The following RFC5 variants were observed in gnomAD, a reference collection of about 807,000 sequenced individuals.
RFC5 encodes the protein A1 36 kDa subunit.
Under a neutral mutation model 44.3 loss-of-function variants are expected in RFC5, and 26 were observed. The observed-to-expected ratio is 0.59, with a 90% confidence interval of 0.43 to 0.81. RFC5 has a LOEUF of 0.81. Ranked by LOEUF, RFC5 falls within the 40% of genes least tolerant of loss-of-function variation. The pLI, the probability that RFC5 is intolerant of heterozygous loss-of-function variation, is 0.00. For synonymous variants in RFC5, 155 were observed against 155.2 expected (o/e 1.00, Z 0.01); for missense variants, 328 against 418.6 (o/e 0.78, Z 1.89).
rs1037705871 is a variant in RFC5, at chr12:118,025,082, A to T, written c.581+72A>T. ...CTTGTGGGATCACTGGCTGGTTCGTATGTAGAGGAGAGGAATGTTGGAAAA... is the reference window on the plus strand; with the variant it reads ...CTTGTGGGATCACTGGCTGGTTCGTTTGTAGAGGAGAGGAATGTTGGAAAA... On this transcript the variant is annotated intron_variant, in intron 6 of 10. Transcript: ENST00000454402. 5.4e-6 allele frequency: 8 copies of T among 1,468,776 alleles called. No individual in the cohort carries two copies. In the African/African-American group the frequency reaches 1.1e-4, roughly 20 times the overall value. The allele number at this position is 1,468,776 out of a possible 1,614,324, so 91.0% of individuals were successfully genotyped here.
Position 118,020,950 on chromosome 12 carries a change from G to A in RFC5, c.312G>A (p.Pro104=), listed in dbSNP as rs760886198. The A allele has an allele frequency of 1.6e-5, 26 of 1,611,698 alleles. No homozygotes were observed. The highest frequency in any genetic ancestry group is 3.3e-4 in the Middle Eastern group (2 of 6,082). The change falls in exon 4 of 11, where the codon CCG becomes CCA. Residue 104 remains proline (P), a synonymous_variant. Transcript: ENST00000454402. The part of the protein sequence containing the change: ...DDRGIDIIRG[P]ILSFASTRTI... ...GAGGAATAGACATCATTCGAGGACC[G>A]ATCCTGAGCTTTGCTAGCACAAGGA...
In RFC5 at chr12:118,020,949, C is replaced by T. The variant is rs759025948; in HGVS notation, c.311C>T (p.Pro104Leu). ...DDRGIDIIRG[P>L]ILSFASTRTI... ...CGAGGAATAGACATCATTCGAGGAC[C>T]GATCCTGAGCTTTGCTAGCACAAGG... The change falls in exon 4 of 11, where the codon CCG becomes CTG. Residue 104 changes from proline (P) to leucine (L), a missense_variant. Pro to Leu is a moderately conservative substitution (Grantham distance 98, BLOSUM62 -3). Coordinates refer to ENST00000454402, the MANE Select transcript of RFC5 (RefSeq NM_007370.7). 14 of 1,611,414 alleles carry T rather than the reference C, an allele frequency of 8.7e-6. No homozygotes were observed. The highest frequency in any genetic ancestry group is 5.0e-5 in the Admixed American group (3 of 59,964).
At chr12:118,035,423 A>C, downstream of RFC5, 2 of 1,000,278 alleles carry the variant, frequency 2.0e-6, no homozygotes, top group Non-Finnish European at 3.1e-6. Context: ...CTGGCTACAA[A>C]AGGGCTCAAG....
At chr12:118,036,074 C>T (rs192360657), downstream of RFC5, 106 of 261,102 alleles carry the variant, frequency 4.1e-4, no homozygotes, top group African/African-American at 2.2e-3. Flanking sequence ...TGGTGGCGCA[C>T]GCTTGTAGTC....
At chr12:118,024,764 G>A in intron 5 of RFC5, 87 bp from the exon 6 acceptor site, 1 of 1,152,318 alleles carries the variant, frequency 8.7e-7, no homozygotes. Flanking sequence ...CTATACCCTT[G>A]TGACCACAGA....
chr12:118,029,896 C>T, intron 10 of RFC5, 71 bp downstream of exon 10: 1 of 1,185,710 alleles, frequency 8.4e-7, no homozygotes, highest in Non-Finnish European at 1.3e-6. Flanking sequence ...TTTGTTTCAA[C>T]TTTCTTGGTT....
chr12:118,025,951 C>T (rs896487205), intron 7 of RFC5, 123 bp downstream of exon 7: 40 of 621,702 alleles, frequency 6.4e-5, no homozygotes, highest in Non-Finnish European at 1.0e-4. Flanking sequence ...TGGGTTCAAG[C>T]GAATCTCCTG....
At chr12:118,023,411 A>AGGAGGG (rs1187924925) in intron 5 of RFC5, among the ~76,000 whole-genome samples, 8 of 30,370 alleles carry the variant, frequency 2.6e-4, no homozygotes, top group African/African-American at 6.6e-4. Context: ...GAGGAGGAGG[A>AGGAGGG]GGGGGGAGGA....
At chr12:118,032,696 CTATTTATT>C (rs10558297), downstream of RFC5, 365 of 151,804 alleles carry the variant, frequency 2.4e-3, 2 homozygotes, top group African/African-American at 8.4e-3. Context: ...GTTTTTTTGG[CTATTTATT>C]TATTTATTTT....
chr12:118,035,341 CAG>C, downstream of RFC5: 1 of 1,610,760 alleles, frequency 6.2e-7, no homozygotes, highest in Non-Finnish European at 8.5e-7. Context: ...AGGAAAGAAA[CAG>C]GATGGCAGGC....
chr12:118,036,525 A>T, downstream of RFC5: 1 of 1,603,810 alleles, frequency 6.2e-7, no homozygotes, highest in Non-Finnish European at 8.5e-7. Context: ...GGAAAGTAAG[A>T]AGTGCCTGGT....
At chr12:118,021,104 C>A in intron 4 of RFC5, 119 bp downstream of exon 4, 1 of 570,212 alleles carries the variant, frequency 1.8e-6, no homozygotes, top group South Asian at 2.3e-5. Context: ...TGACTTTGTC[C>A]AAAGCAACCA....
chr12:118,026,394 C>G (rs5745866), intron 7 of RFC5, among the ~76,000 whole-genome samples: 17,556 of 152,048 alleles, frequency 0.12, 1,390 homozygotes, highest in African/African-American at 0.22. Flanking sequence ...CCTGAGCCCA[C>G]GAGCTGGAGA....
chr12:118,037,409 G>A (rs1023308295), downstream of RFC5, among the ~76,000 whole-genome samples: 1 of 152,106 alleles, frequency 6.6e-6, no homozygotes, highest in East Asian at 1.9e-4. Flanking sequence ...GCTCACGCCT[G>A]CAATCCCAGC....
downstream of RFC5, chr12:118,034,933 A>G (rs2031471101): frequency 5.2e-6 from 8 of 1,552,410 alleles, no homozygotes; most frequent in South Asian, 4.5e-5. Context: ...AAAAAGCTCC[A>G]TGGTATACTC....
At chr12:118,024,148 T>C (rs959243718) in intron 5 of RFC5, among the ~76,000 whole-genome samples, 3 of 151,994 alleles carry the variant, frequency 2.0e-5, no homozygotes, top group East Asian at 3.9e-4. Flanking sequence ...GAGACCATCC[T>C]GGCTAACATG....
chr12:118,017,887 C>T (rs2030206093), intron 1 of RFC5: 1 of 666,846 alleles, frequency 1.5e-6, no homozygotes, highest in Non-Finnish European at 2.7e-6. Context: ...ATTCAGAATG[C>T]AGTGTACTGT....
intron 3 of RFC5, 85 bp from the exon 4 acceptor site, chr12:118,020,821 C>A: frequency 1.2e-6 from 1 of 802,410 alleles, no homozygotes; most frequent in Non-Finnish European, 2.2e-6. Flanking sequence ...CTGAGCTGGA[C>A]TGATGAGGAA....
chr12:118,020,002 A>T (rs1355058244), intron 3 of RFC5, among the ~76,000 whole-genome samples: 1 of 152,026 alleles, frequency 6.6e-6, no homozygotes, highest in East Asian at 1.9e-4. Context: ...GCTCTTGCCA[A>T]CTTCTCCCCA....
Sources: allele counts gnomAD v4.1 joint callset (sites outside exome capture counted in the v4.1 genomes callset), GRCh38; gene constraint gnomAD v4.1.1; transcripts MANE v1.5; gene names NCBI Gene and HGNC (gene_info 2026-07-23, HGNC 2026-07-21).